The following UBR4 variants were observed in gnomAD, a reference collection of about 807,000 sequenced individuals.
UBR4 encodes the protein ubiquitin protein ligase E3 component n-recognin 4, also known as E3 ubiquitin-protein ligase UBR4.
UBR4 carries 124 observed loss-of-function variants against 575.6 expected under a neutral mutation model. The observed-to-expected ratio is 0.22, with a 90% confidence interval of 0.19 to 0.25. UBR4 has a LOEUF of 0.25. UBR4 is among the 10% of genes least tolerant of loss of function. The pLI is 1.00. For missense variants in UBR4, 4,818 were observed against 6,478.8 expected, an observed-to-expected ratio of 0.74 and a Z score of 8.80; for synonymous variants, 2,455 against 2,473.7, an observed-to-expected ratio of 0.99 and a Z score of 0.22.
chr1:19,156,504 T>C, intron 41 of UBR4, 81 bp from the exon 42 acceptor site: 1 of 1,509,732 alleles, frequency 6.6e-7, no homozygotes. Flanking sequence ...TGACGTTCCC[T>C]TTTTTCCTCT....
chr1:19,120,209 C>T lies in UBR4; in HGVS notation c.10281G>A (p.Gln3427=), dbSNP rs1272280813. ...LESNSSSVRW[Q]AHCLTLHIYR... ...AGATGTGCAGTGTCAGACAGTGGGC[C>T]TGCCAGCGCACCGAGGAAGAATTGG... The change falls in exon 69 of 106, where the codon CAG becomes CAA. Residue 3427 remains glutamine, a synonymous_variant. Coordinates refer to ENST00000375254, the MANE Select transcript of UBR4 (RefSeq NM_020765.3). 3.7e-6 allele frequency: 6 copies of T among 1,614,048 alleles called. No individual in the cohort carries two copies. The Admixed American group carries it at 6.7e-5, about 18-fold the overall frequency.
At chr1:19,142,537 G>C (rs1003711311) in intron 55 of UBR4, among the ~76,000 whole-genome samples, 1 of 152,198 alleles carries the variant, frequency 6.6e-6, no homozygotes, top group Non-Finnish European at 1.5e-5. Flanking sequence ...CAAGATAAAT[G>C]ATATGCAAGG....
In UBR4 at chr1:19,093,819, G is replaced by T; in HGVS notation, c.13937+130C>A. On this transcript the variant is annotated intron_variant, in intron 95 of 105. Transcript: ENST00000375254. This position sits in a 1 kb window ranked among gnomAD's most constrained non-coding sequence, Gnocchi z 4.8. ...ACTATTCACTTCCCAACTAGACTGA[G>T]CTCCTTAAAAGCCAGAACGAGGACA... 9.4e-7 allele frequency: 1 copy of T among 1,066,966 alleles called. No individual in the cohort carries two copies. The highest frequency in any genetic ancestry group is 1.3e-6 in the Non-Finnish European group (1 of 751,464). The allele number at this position is 1,066,966 out of a possible 1,614,324, so 66.1% of individuals were successfully genotyped here.
chr1:19,191,980 A>G (rs1571688093), intron 11 of UBR4, among the ~76,000 whole-genome samples: 1 of 152,344 alleles, frequency 6.6e-6, no homozygotes, highest in East Asian at 1.9e-4. Flanking sequence ...AGATGAGGAA[A>G]TAGAATCAAA....
Position 19,164,300 on chromosome 1 carries a change from A to C in UBR4, c.4653T>G (p.Ala1551=). 6.2e-7 allele frequency: 1 copy of C among 1,614,222 alleles called. No individual in the cohort carries two copies. The highest frequency in any genetic ancestry group is 8.5e-7 in the Non-Finnish European group (1 of 1,180,024). Residue 1551 remains alanine, a synonymous_variant, in exon 33 of 106, where the codon GCT becomes GCG. Coordinates refer to ENST00000375254, the MANE Select transcript of UBR4 (RefSeq NM_020765.3). Reference sequence around the variant, plus strand: ...CAGCATTATGAAGCTGAAGGTGACCAGCACCTTGACCTGCACTGGCCAGAG... The same window carrying C: ...CAGCATTATGAAGCTGAAGGTGACCCGCACCTTGACCTGCACTGGCCAGAG... ...MATLASAGQG[A]GHLQLHNAAV...
chr1:19,209,249 T>C (rs1045992407), intron 1 of UBR4, among the ~76,000 whole-genome samples: 16 of 152,168 alleles, frequency 1.1e-4, no homozygotes, highest in African/African-American at 3.4e-4. Context: ...TGAAAGTCAG[T>C]CTGGCTTTAA....
chr1:19,132,604 G>GAAAAAAAAAAAAAAAAAAAAAAA (rs1557716278), intron 60 of UBR4, among the ~76,000 whole-genome samples: 2 of 19,946 alleles, frequency 1.0e-4, no homozygotes, highest in African/African-American at 3.6e-4. Flanking sequence ...GTAAAAAATG[G>GAAAAAAAAAAAAAAAAAAAAAAA]TAAAAAAAAA....
rs980599536 is a variant in UBR4, at chr1:19,100,686, C to G, written c.13024-113G>C. ...AAACACACCAAACTCAGCAAGCCCCCCAAACATTTAAAGATACAAAGGACA... is the reference window on the plus strand; with the variant it reads ...AAACACACCAAACTCAGCAAGCCCCGCAAACATTTAAAGATACAAAGGACA... On this transcript the variant is annotated intron_variant, in intron 88 of 105. Transcript: ENST00000375254. This position sits in a 1 kb window ranked among gnomAD's most constrained non-coding sequence, Gnocchi z 4.2. 6.0e-6 allele frequency: 6 copies of G among 999,816 alleles called. No individual in the cohort carries two copies. The highest frequency in any genetic ancestry group is 3.0e-5 in the South Asian group (2 of 65,932). The allele number at this position is 999,816 out of a possible 1,614,324, so 61.9% of individuals were successfully genotyped here. A position where few individuals can be genotyped will look rare whatever the true frequency, so the allele number is the denominator to read the frequency against.
In UBR4 at chr1:19,210,226, T is replaced by A. The variant is rs893269292; in HGVS notation, c.23A>T (p.Glu8Val). Residue 8 changes from glutamate to valine, a missense_variant, in exon 1 of 106, where the codon GAG becomes GTG. Physicochemically the swap from Glu to Val is moderately radical, Grantham distance 121. Coordinates refer to ENST00000375254, the MANE Select transcript of UBR4 (RefSeq NM_020765.3). MATSGGEEAAAAAPAPGT... is the reference protein window; with the variant it reads MATSGGEVAAAAAPAPGT... ...CGGCGCCGGAGCCGCTGCCGCCGCC[T>A]CTTCGCCGCCGCTCGTCGCCATCTT... The A allele has an allele frequency of 7.0e-6, 10 of 1,435,506 alleles. No individual in the cohort carries two copies. Among genetic ancestry groups the A allele is most frequent in the Non-Finnish European group, 9.1e-6 (10 of 1,097,452 alleles). 88.9% of individuals were successfully genotyped at this position (1,435,506 alleles called of 1,614,324 possible).
In UBR4 at chr1:19,151,521, T is replaced by A. The variant is rs775517904; in HGVS notation, c.7213+122A>T. The A allele has an allele frequency of 3.7e-6, 4 of 1,086,690 alleles. No homozygotes were observed. In the African/African-American group the frequency reaches 6.3e-5, roughly 17 times the overall value. 67.3% of individuals were successfully genotyped at this position (1,086,690 alleles called of 1,614,324 possible). On this transcript the variant is annotated intron_variant, in intron 48 of 105. Transcript: ENST00000375254. ...TCAAATGAAGCTCAAAGTTTCCTGA[T>A]GAAAGGACAGAAAAATCAGCAGAGT...
At chr1:19,092,658 A>G (rs765279237) in intron 97 of UBR4, 161 bp downstream of exon 97, 13 of 550,706 alleles carry the variant, frequency 2.4e-5, no homozygotes, top group East Asian at 3.1e-5. Context: ...AATCACAAAT[A>G]CAACTTACTT....
intron 2 of UBR4, among the ~76,000 whole-genome samples, chr1:19,201,503 A>G (rs2092739952): frequency 6.6e-6 from 1 of 152,224 alleles, no homozygotes; most frequent in Non-Finnish European, 1.5e-5. Flanking sequence ...CAGGTGTCCA[A>G]GCCAAGTAGT....
chr1:19,128,088 T>C (rs1417457135), intron 62 of UBR4, 123 bp downstream of exon 62: 7 of 935,304 alleles, frequency 7.5e-6, no homozygotes, highest in Non-Finnish European at 1.0e-5. Flanking sequence ...CTCAACAGAA[T>C]GCAGCCCTCA....
At chr1:19,097,088 T>A in intron 91 of UBR4, 105 bp downstream of exon 91, 1 of 874,418 alleles carries the variant, frequency 1.1e-6, no homozygotes, top group Non-Finnish European at 1.7e-6. Flanking sequence ...ACAATTCTGA[T>A]GCAGAGGTAC....
In UBR4 at chr1:19,096,513, C is replaced by T. The variant is rs1418671875; in HGVS notation, c.13518+10G>A. On this transcript the variant is annotated intron_variant, in intron 92 of 105. Coordinates refer to ENST00000375254, the MANE Select transcript of UBR4 (RefSeq NM_020765.3). ...AGGCTGGCCCCCACAACTTGCTGCC[C>T]CCAACTCACTGTTAGAAGGTGGCGT... 2 of 1,611,510 alleles carry T rather than the reference C, an allele frequency of 1.2e-6. No homozygotes were observed. Among genetic ancestry groups the T allele is most frequent in the Non-Finnish European group, 1.7e-6 (2 of 1,178,850 alleles).
At chr1:19,185,573 CTT>C (rs3068081) in intron 14 of UBR4, among the ~76,000 whole-genome samples, 47 of 128,588 alleles carry the variant, frequency 3.7e-4, no homozygotes, top group Admixed American at 5.8e-4. Context: ...TTTCTTTTTT[CTT>C]TTTTTTTTTT....
chr1:19,094,202 T>C, intron 94 of UBR4, 63 bp from the exon 95 acceptor site: 2 of 1,382,094 alleles, frequency 1.4e-6, no homozygotes, highest in Non-Finnish European at 2.0e-6. Flanking sequence ...GCAGCCAACA[T>C]CTGAGCCCCA....
At chr1:19,176,769 C>A in intron 19 of UBR4, 42 bp from the exon 20 acceptor site, 1 of 1,600,840 alleles carries the variant, frequency 6.2e-7, no homozygotes. Flanking sequence ...GATACACAGT[C>A]ACCATTCAGC....
chr1:19,092,559 C>T (rs1316446051), intron 97 of UBR4, among the ~76,000 whole-genome samples: 1 of 152,174 alleles, frequency 6.6e-6, no homozygotes, highest in African/African-American at 2.4e-5. Context: ...GTGTTTTACT[C>T]TCTGGTCAGC....
Sources: allele counts gnomAD v4.1 joint callset (sites outside exome capture counted in the v4.1 genomes callset), GRCh38; gene constraint gnomAD v4.1.1; non-coding constraint Gnocchi (gnomAD v3.1); transcripts MANE v1.5; gene names NCBI Gene and HGNC (gene_info 2026-07-23, HGNC 2026-07-21).